R3HCC1L: variants seen among roughly 807,000 people sequenced by gnomAD.
The protein encoded by R3HCC1L is R3H domain and coiled-coil containing 1 like.
A neutral mutation model predicts 59.9 loss-of-function variants in R3HCC1L; 51 were observed. That is an observed-to-expected ratio of 0.85 (90% confidence interval 0.68 to 1.07). The LOEUF is 1.07. Among genes scored for constraint, R3HCC1L ranks in the 50% least tolerant of loss-of-function variants. The pLI is 0.00. For missense variants in R3HCC1L, 965 were observed against 933.0 expected, an observed-to-expected ratio of 1.03 and a Z score of -0.45; for synonymous variants, 322 against 315.2, an observed-to-expected ratio of 1.02 and a Z score of -0.23.
chr10:98,237,267 A>G (rs1857065516), intron 9 of R3HCC1L, among the ~76,000 whole-genome samples: 1 of 152,234 alleles, frequency 6.6e-6, no homozygotes, highest in Non-Finnish European at 1.5e-5. Flanking sequence ...TTGGGTTTTT[A>G]TAGATGGCAA....
chr10:98,143,130 T>C (rs1206841725), intron 1 of R3HCC1L, among the ~76,000 whole-genome samples: 1 of 152,242 alleles, frequency 6.6e-6, no homozygotes, highest in Admixed American at 6.5e-5. Flanking sequence ...GATTTTGGAC[T>C]GCAGTTAAAA....
At chr10:98,214,332 T>A (rs569462210) in intron 5 of R3HCC1L, among the ~76,000 whole-genome samples, 1 of 152,152 alleles carries the variant, frequency 6.6e-6, no homozygotes, top group African/African-American at 2.4e-5. Flanking sequence ...CCATGAGATA[T>A]GGCATGTGGA....
intron 5 of R3HCC1L, among the ~76,000 whole-genome samples, chr10:98,224,675 A>G (rs896197841): frequency 1.8e-4 from 27 of 152,244 alleles, no homozygotes; most frequent in Admixed American, 3.3e-4. Context: ...TTTGTGATTC[A>G]TAACTCAAAA....
At chr10:98,223,512 T>C (rs1203106962) in intron 5 of R3HCC1L, among the ~76,000 whole-genome samples, 1 of 152,008 alleles carries the variant, frequency 6.6e-6, no homozygotes. Flanking sequence ...TCAAATTTTA[T>C]GGATTGGCTT....
intron 4 of R3HCC1L, among the ~76,000 whole-genome samples, chr10:98,196,590 TCTC>T: frequency 2.6e-5 from 4 of 152,214 alleles, no homozygotes; most frequent in Admixed American, 2.6e-4. Context: ...AGAAAGGGTT[TCTC>T]CTCTCTTCTT....
chr10:98,158,450 C>T (rs192739282), intron 2 of R3HCC1L, among the ~76,000 whole-genome samples: 76 of 152,230 alleles, frequency 5.0e-4, no homozygotes, highest in Admixed American at 1.9e-3. Context: ...AGAAAAATTC[C>T]GAGAGTGGTA....
Position 98,244,384 on chromosome 10 carries a change from A to G in R3HCC1L, c.*226A>G. The stretch of plus-strand genomic sequence containing the variant: ...ACTGTGGTGGGCGTAGTAGGGAGCC[A>G]TCAGCTAGGAAGAAACGTGGGAGAT... On this transcript the variant is annotated 3_prime_UTR_variant, in exon 10 of 10. Transcript: ENST00000298999. 1.5e-5 allele frequency: 6 copies of G among 407,238 alleles called. No homozygotes were observed. The highest frequency in any genetic ancestry group is 2.7e-5 in the Non-Finnish European group (6 of 222,106). 25.2% of individuals were successfully genotyped at this position (407,238 alleles called of 1,614,324 possible).
intron 1 of R3HCC1L, among the ~76,000 whole-genome samples, chr10:98,146,992 C>T (rs78417621): frequency 6.6e-6 from 1 of 152,112 alleles, no homozygotes; most frequent in Non-Finnish European, 1.5e-5. Flanking sequence ...ATACTGTTCC[C>T]CATAGTGGCT....
chr10:98,192,490 A>G (rs1850972803), intron 4 of R3HCC1L, among the ~76,000 whole-genome samples: 1 of 152,174 alleles, frequency 6.6e-6, no homozygotes, highest in Non-Finnish European at 1.5e-5. Context: ...ACAGAAATAC[A>G]AAGGATCATT....
Position 98,153,558 on chromosome 10 carries a change from C to T in R3HCC1L, c.-267-2535C>T, listed in dbSNP as rs144578361. 1.3e-4 allele frequency among the ~76,000 whole-genome samples: 20 copies of T among 150,524 alleles called. No individual in the cohort carries two copies. The South Asian group carries it at 3.6e-3, about 27-fold the overall frequency. ...TGCTGACCTTCCCTCCAGTATTGTC[C>T]TATGACCCTGCCAAATCCCCCTCTG... On this transcript the variant is annotated intron_variant, in intron 1 of 9. Coordinates refer to ENST00000298999, the MANE Select transcript of R3HCC1L (RefSeq NM_001351015.2).
At chr10:98,152,862 G>A (rs1358679172) in intron 1 of R3HCC1L, among the ~76,000 whole-genome samples, 35 of 151,100 alleles carry the variant, frequency 2.3e-4, no homozygotes, top group African/African-American at 8.0e-4. Context: ...AGTGAGGAGC[G>A]TCTCCGCCCG....
intron 5 of R3HCC1L, among the ~76,000 whole-genome samples, chr10:98,218,392 A>G (rs1854463432): frequency 6.6e-6 from 1 of 152,120 alleles, no homozygotes; most frequent in Non-Finnish European, 1.5e-5. Context: ...GGTTTATTCT[A>G]GGAATGCAAG....
intron 2 of R3HCC1L, among the ~76,000 whole-genome samples, chr10:98,158,756 A>G (rs1320833663): frequency 6.6e-6 from 1 of 151,986 alleles, no homozygotes; most frequent in East Asian, 1.9e-4. Context: ...CTCAGTTGTC[A>G]TATCTCTAGT....
chr10:98,229,808 C>G (rs1023724020), intron 5 of R3HCC1L, among the ~76,000 whole-genome samples: 2 of 152,108 alleles, frequency 1.3e-5, no homozygotes, highest in Admixed American at 6.5e-5. Context: ...TGAATTTTGT[C>G]AAAGACCTTT....
At chr10:98,145,119 A>C (rs749211324) in intron 1 of R3HCC1L, among the ~76,000 whole-genome samples, 1 of 152,268 alleles carries the variant, frequency 6.6e-6, no homozygotes. Flanking sequence ...ATTTGATCCA[A>C]TAGGTGACAG....
At chr10:98,241,159 T>TGTCC (rs777018427) in intron 9 of R3HCC1L, among the ~76,000 whole-genome samples, 6 of 152,210 alleles carry the variant, frequency 3.9e-5, no homozygotes, top group Admixed American at 3.3e-4. Flanking sequence ...TGATCTACTA[T>TGTCC]GTCCGTCACT....
chr10:98,152,485 C>A (rs867518086), intron 1 of R3HCC1L, among the ~76,000 whole-genome samples: 2,490 of 98,690 alleles, frequency 0.025, 66 homozygotes, highest in South Asian at 0.044. Flanking sequence ...TCTTCCCGGC[C>A]GCCATCCCGT....
intron 1 of R3HCC1L, among the ~76,000 whole-genome samples, chr10:98,152,188 C>T (rs549264403): frequency 5.2e-4 from 79 of 152,124 alleles, no homozygotes; most frequent in Middle Eastern, 3.4e-3. Flanking sequence ...CTCCTAACCG[C>T]GAGTGGTCCG....
chr10:98,142,516 T>C (rs1041974256), intron 1 of R3HCC1L, among the ~76,000 whole-genome samples: 2 of 151,996 alleles, frequency 1.3e-5, no homozygotes, highest in African/African-American at 4.8e-5. Flanking sequence ...CATGTGTCTG[T>C]AGTCCCAGCT....
Sources: gnomAD v4.1 joint callset for allele counts (sites outside exome capture counted in the v4.1 genomes callset) on GRCh38, gnomAD v4.1.1 for gene constraint, MANE v1.5 for transcripts, NCBI Gene and HGNC (gene_info 2026-07-23, HGNC 2026-07-21) for gene names.